SLC49A4: variants seen among roughly 807,000 people sequenced by gnomAD.
The protein encoded by SLC49A4 is solute carrier family 49 member 4.
SLC49A4 carries 36 observed loss-of-function variants against 50.6 expected under a neutral mutation model. That is an observed-to-expected ratio of 0.71 (90% CI 0.55 to 0.94). The LOEUF is 0.94. Among genes scored for constraint, SLC49A4 ranks in the 40% least tolerant of loss-of-function variants. SLC49A4 has a pLI of 0.00. For synonymous variants in SLC49A4, 248 were observed against 241.2 expected, an observed-to-expected ratio of 1.03 and a Z score of -0.26; for missense variants, 503 against 605.7, an observed-to-expected ratio of 0.83 and a Z score of 1.78.
chr3:122,848,250 AT>A (rs34157113), intron 5 of SLC49A4, among the ~76,000 whole-genome samples: 3 of 151,854 alleles, frequency 2.0e-5, no homozygotes, highest in Admixed American at 6.6e-5. Context: ...TGAAAAGATC[AT>A]TTTTTTTCTT....
chr3:122,835,751 A>G (rs1053969571), intron 4 of SLC49A4, among the ~76,000 whole-genome samples: 16 of 152,212 alleles, frequency 1.1e-4, no homozygotes, highest in African/African-American at 3.9e-4. Flanking sequence ...AGTCCTAGCC[A>G]GAACAGTCAG....
In SLC49A4 at chr3:122,835,276, A is replaced by C. The variant is rs185354601; in HGVS notation, c.833+1830A>C. On this transcript the variant is annotated intron_variant, in intron 4 of 8. Transcript: ENST00000261038. ...GGACTCCTCCCTAACTCATTCTATG[A>C]AGCCAGTGTCACCCTGATACCAAAA... Among the ~76,000 whole-genome samples the C allele has an allele frequency of 1.9e-3, 287 of 152,304 alleles. 2 individuals carry two copies. Among genetic ancestry groups the C allele is most frequent in the Admixed American group, 6.5e-3 (100 of 15,286 alleles).
chr3:122,848,722 A>T (rs561189376), intron 5 of SLC49A4, among the ~76,000 whole-genome samples: 19 of 149,328 alleles, frequency 1.3e-4, no homozygotes, highest in African/African-American at 4.7e-4. Flanking sequence ...TTTGGGGGGG[A>T]TATATAATAT....
Position 122,875,542 on chromosome 3 carries a change from G to A in SLC49A4, c.1321+2945G>A, listed in dbSNP as rs562106140. ...ATTTTTTGTATTTTTTGTAGAGATG[G>A]GGTTCTGCCATGTTGCCCATGCTGG... On this transcript the variant is annotated intron_variant, in intron 8 of 8. Coordinates refer to ENST00000261038, the MANE Select transcript of SLC49A4 (RefSeq NM_032839.3). Among the ~76,000 whole-genome samples the A allele has an allele frequency of 2.0e-5, 3 of 152,162 alleles. No individual in the cohort carries two copies. In the South Asian group the frequency reaches 6.2e-4, roughly 32 times the overall value.
intron 7 of SLC49A4, among the ~76,000 whole-genome samples, chr3:122,871,948 A>C (rs1462365650): frequency 1.3e-5 from 2 of 152,184 alleles, no homozygotes; most frequent in Non-Finnish European, 2.9e-5. Context: ...TGTGTTTCTC[A>C]AGAAATTACA....
chr3:122,813,256 A>AT (rs1339664808), intron 2 of SLC49A4, among the ~76,000 whole-genome samples: 4 of 151,002 alleles, frequency 2.6e-5, no homozygotes, highest in African/African-American at 4.9e-5. Context: ...AAAAAAAAAA[A>AT]GCTGTGTAAA....
chr3:122,804,723 G>T (rs1344349353), intron 1 of SLC49A4, among the ~76,000 whole-genome samples: 2 of 152,202 alleles, frequency 1.3e-5, no homozygotes, highest in Non-Finnish European at 2.9e-5. Context: ...GGCTTCAAGG[G>T]ATCCTCCCAC....
chr3:122,838,989 T>C (rs565562602), intron 4 of SLC49A4, among the ~76,000 whole-genome samples: 1 of 152,328 alleles, frequency 6.6e-6, no homozygotes, highest in Non-Finnish European at 1.5e-5. Context: ...CTTCAAATTA[T>C]ACTACAAGGG....
At position 122,859,941 on chromosome 3, in the gene SLC49A4, T is replaced by TA; in HGVS notation, c.1011-127dup. 13 of 884,044 alleles carry TA rather than the reference T, an allele frequency of 1.5e-5. No homozygotes were observed. In the South Asian group the frequency reaches 2.2e-4, roughly 15 times the overall value. The allele number at this position is 884,044 out of a possible 1,614,324, so 54.8% of individuals were successfully genotyped here. A position where few individuals can be genotyped will look rare whatever the true frequency, so the allele number is the denominator to read the frequency against. On this transcript the variant is annotated intron_variant, in intron 6 of 8. Coordinates refer to ENST00000261038, the MANE Select transcript of SLC49A4 (RefSeq NM_032839.3). ...TAACATCATACAAGAAAATTTGTTT[T>TA]AAAAAAACACTGAAAACTGTCTTTT...
chr3:122,872,610 A>T lies in SLC49A4; in HGVS notation c.1321+13A>T. ...TTTTATCATACAGGTAAGAAATTTG[A>T]TTTTTTATTTACTATCTAAATGTGT... On this transcript the variant is annotated intron_variant, in intron 8 of 8. Transcript: ENST00000261038. The T allele has an allele frequency of 6.4e-7, 1 of 1,550,580 alleles. No homozygotes were observed. Among genetic ancestry groups the T allele is most frequent in the Non-Finnish European group, 8.8e-7 (1 of 1,139,836 alleles).
intron 2 of SLC49A4, among the ~76,000 whole-genome samples, chr3:122,819,092 T>A (rs973710190): frequency 1.3e-5 from 2 of 150,698 alleles, no homozygotes; most frequent in Admixed American, 6.6e-5. Context: ...CTACAAAAAA[T>A]TTAAAAATTA....
chr3:122,840,267 T>C (rs1001935061), intron 4 of SLC49A4, among the ~76,000 whole-genome samples: 9 of 152,012 alleles, frequency 5.9e-5, no homozygotes, highest in Non-Finnish European at 1.2e-4. Context: ...GGTAACAAAC[T>C]CCATATTGGG....
At chr3:122,865,332 G>T (rs963407270) in intron 7 of SLC49A4, among the ~76,000 whole-genome samples, 1 of 152,220 alleles carries the variant, frequency 6.6e-6, no homozygotes, top group Non-Finnish European at 1.5e-5. Context: ...TAGAGGGCTT[G>T]ACTAGGTATC....
intron 3 of SLC49A4, among the ~76,000 whole-genome samples, chr3:122,827,847 G>A (rs1303659636): frequency 2.6e-5 from 4 of 152,222 alleles, no homozygotes; most frequent in African/African-American, 9.6e-5. Flanking sequence ...TAGGGAAGTT[G>A]AGGGGGCAGG....
chr3:122,839,247 A>T (rs1168065410), intron 4 of SLC49A4, among the ~76,000 whole-genome samples: 1 of 152,190 alleles, frequency 6.6e-6, no homozygotes, highest in African/African-American at 2.4e-5. Context: ...TAAACTCAAG[A>T]TGCATCAAAG....
intron 7 of SLC49A4, among the ~76,000 whole-genome samples, chr3:122,861,231 A>G (rs1364977104): frequency 6.6e-6 from 1 of 152,186 alleles, no homozygotes; most frequent in Non-Finnish European, 1.5e-5. Context: ...GTGAAATAAC[A>G]TATTCACAAA....
intron 3 of SLC49A4, among the ~76,000 whole-genome samples, chr3:122,832,582 C>G (rs1160844008): frequency 5.9e-5 from 9 of 152,146 alleles, no homozygotes; most frequent in Non-Finnish European, 8.8e-5. Context: ...AAACAAACCT[C>G]CTATCCTGTT....
At chr3:122,837,321 G>A (rs1051932870) in intron 4 of SLC49A4, among the ~76,000 whole-genome samples, 1 of 152,046 alleles carries the variant, frequency 6.6e-6, no homozygotes, top group Admixed American at 6.5e-5. Context: ...ATACTACAAG[G>A]CTACAGTAAC....
chr3:122,804,438 T>G (rs571707401), intron 1 of SLC49A4, among the ~76,000 whole-genome samples: 2 of 152,356 alleles, frequency 1.3e-5, no homozygotes, highest in African/African-American at 4.8e-5. Context: ...TATTAGGCTA[T>G]TCTCCTGGGG....
Sources: gnomAD v4.1 joint callset for allele counts (sites outside exome capture counted in the v4.1 genomes callset) on GRCh38, gnomAD v4.1.1 for gene constraint, MANE v1.5 for transcripts, NCBI Gene and HGNC (gene_info 2026-07-23, HGNC 2026-07-21) for gene names.